Variants in CHST11 observed in about 807,000 individuals in gnomAD.
The protein encoded by CHST11 is carbohydrate sulfotransferase 11.
CHST11 carries 9 observed loss-of-function variants against 30.4 expected under a neutral mutation model. The ratio of observed to expected loss-of-function variants is 0.30; its 90% CI spans 0.18 to 0.52. The LOEUF (loss-of-function observed/expected upper bound fraction) is 0.52. Ranked by LOEUF, CHST11 falls within the 20% of genes least tolerant of loss-of-function variation. The probability of loss-of-function intolerance (pLI) is 0.97; values close to 1 mark genes in which losing one functional copy is unlikely to be tolerated. For missense variants in CHST11, 348 were observed against 460.6 expected (o/e 0.76, Z 2.24); for synonymous variants, 152 against 187.8 (o/e 0.81, Z 1.56).
intron 1 of CHST11, among the ~76,000 whole-genome samples, chr12:104,536,858 G>A (rs1439208511): frequency 6.6e-6 from 1 of 152,156 alleles, no homozygotes; most frequent in African/African-American, 2.4e-5. Context: ...CTCCAGGCCG[G>A]CTTCTCTGTG....
intron 1 of CHST11, among the ~76,000 whole-genome samples, chr12:104,493,343 T>G (rs544707935): frequency 6.6e-6 from 1 of 152,318 alleles, no homozygotes; most frequent in Middle Eastern, 3.4e-3. Flanking sequence ...AAGAGAATGT[T>G]TTTGCCCTGG....
chr12:104,492,657 T>G (rs1278763567), intron 1 of CHST11, among the ~76,000 whole-genome samples: 1 of 152,236 alleles, frequency 6.6e-6, no homozygotes, highest in Admixed American at 6.5e-5. Flanking sequence ...GCTATTGATC[T>G]GTGTGTCTGG....
chr12:104,601,591 A>ACCCT (rs2038957344), intron 1 of CHST11, among the ~76,000 whole-genome samples: 1 of 152,240 alleles, frequency 6.6e-6, no homozygotes, highest in African/African-American at 2.4e-5. Context: ...GTCTTGAAGC[A>ACCCT]GCCATTACGC....
chr12:104,513,151 G>A (rs1455774400), intron 1 of CHST11, among the ~76,000 whole-genome samples: 1 of 126,308 alleles, frequency 7.9e-6, no homozygotes, highest in Non-Finnish European at 1.7e-5. Flanking sequence ...GGGGTGGGGA[G>A]GGAGGGAGAG....
At chr12:104,737,369 T>C (rs1394401755) in intron 2 of CHST11, among the ~76,000 whole-genome samples, 2 of 152,260 alleles carry the variant, frequency 1.3e-5, no homozygotes, top group Non-Finnish European at 2.9e-5. Context: ...GGCCTGAGCC[T>C]TGGGACATGA....
At chr12:104,472,350 C>T (rs1268967801) in intron 1 of CHST11, among the ~76,000 whole-genome samples, 1 of 151,882 alleles carries the variant, frequency 6.6e-6, no homozygotes, top group East Asian at 1.9e-4. Flanking sequence ...TATCTTAAGG[C>T]TCAACATGTT....
intron 1 of CHST11, among the ~76,000 whole-genome samples, chr12:104,485,885 T>C (rs1474672680): frequency 8.5e-5 from 13 of 152,246 alleles, no homozygotes; most frequent in Admixed American, 8.5e-4. Context: ...TTGTAATCAC[T>C]GATGCACCAT....
chr12:104,558,325 G>T (rs1428281974), intron 1 of CHST11, among the ~76,000 whole-genome samples: 3 of 152,050 alleles, frequency 2.0e-5, no homozygotes, highest in Non-Finnish European at 4.4e-5. Context: ...TGTCTCCTAG[G>T]CCCCTTCTCT....
At chr12:104,547,052 C>T (rs746833219) in intron 1 of CHST11, among the ~76,000 whole-genome samples, 7 of 152,212 alleles carry the variant, frequency 4.6e-5, no homozygotes, top group African/African-American at 7.2e-5. Flanking sequence ...CTCAGGTCTT[C>T]GACCACTCTT....
At chr12:104,737,436 G>A (rs943487189) in intron 2 of CHST11, among the ~76,000 whole-genome samples, 1 of 152,208 alleles carries the variant, frequency 6.6e-6, no homozygotes, top group African/African-American at 2.4e-5. Flanking sequence ...ATCACTTTGG[G>A]GATTATTGTG....
At chr12:104,614,592 C>T (rs114438845) in intron 2 of CHST11, among the ~76,000 whole-genome samples, 1,935 of 151,888 alleles carry the variant, frequency 0.013, 40 homozygotes, top group African/African-American at 0.043. Flanking sequence ...TAATACATGA[C>T]GTTGGAGGAG....
intron 2 of CHST11, among the ~76,000 whole-genome samples, chr12:104,632,639 A>G (rs1167159554): frequency 6.6e-6 from 1 of 152,272 alleles, no homozygotes; most frequent in Non-Finnish European, 1.5e-5. Flanking sequence ...CCATCCGCTC[A>G]AACGGGTTTC....
At chr12:104,564,853 G>T (rs573539076) in intron 1 of CHST11, among the ~76,000 whole-genome samples, 2 of 152,180 alleles carry the variant, frequency 1.3e-5, no homozygotes, top group African/African-American at 2.4e-5. Flanking sequence ...AGGAGCAAAG[G>T]CACATCTTAC....
At chr12:104,668,397 A>G (rs1429041212) in intron 2 of CHST11, among the ~76,000 whole-genome samples, 2 of 152,060 alleles carry the variant, frequency 1.3e-5, no homozygotes, top group African/African-American at 4.8e-5. Flanking sequence ...CACGGGTGTT[A>G]AACCCACTCC....
At chr12:104,467,013 G>A (rs561758575) in intron 1 of CHST11, among the ~76,000 whole-genome samples, 1 of 152,328 alleles carries the variant, frequency 6.6e-6, no homozygotes, top group East Asian at 1.9e-4. Context: ...TCTTCAAGTT[G>A]TGGTTTCTTG....
At chr12:104,630,378 T>C (rs1186487370) in intron 2 of CHST11, among the ~76,000 whole-genome samples, 1 of 152,368 alleles carries the variant, frequency 6.6e-6, no homozygotes, top group East Asian at 1.9e-4. Flanking sequence ...AGTTGATTTA[T>C]GGAAAGTGCT....
chr12:104,542,176 A>G (rs2038292781), intron 1 of CHST11, among the ~76,000 whole-genome samples: 1 of 152,246 alleles, frequency 6.6e-6, no homozygotes, highest in African/African-American at 2.4e-5. Flanking sequence ...CAATTTAGCC[A>G]CTGTGGGAAA....
intron 2 of CHST11, among the ~76,000 whole-genome samples, chr12:104,627,590 T>C (rs187930740): frequency 6.6e-6 from 1 of 152,302 alleles, no homozygotes; most frequent in Non-Finnish European, 1.5e-5. Flanking sequence ...ATGGCCAGAA[T>C]TACTAAGTGT....
chr12:104,491,448 C>T (rs767239102), intron 1 of CHST11, among the ~76,000 whole-genome samples: 3 of 151,840 alleles, frequency 2.0e-5, no homozygotes, highest in Non-Finnish European at 4.4e-5. Context: ...TTAGTCTCTT[C>T]TTCTTCTTCT....
Sources: allele counts gnomAD v4.1 joint callset (sites outside exome capture counted in the v4.1 genomes callset), GRCh38; gene constraint gnomAD v4.1.1; transcripts MANE v1.5; gene names NCBI Gene and HGNC (gene_info 2026-07-23, HGNC 2026-07-21).